Variants in SUGCT observed in about 807,000 individuals in gnomAD.
SUGCT encodes the protein succinyl-CoA:glutarate-CoA transferase.
Under a neutral mutation model 55.0 loss-of-function variants are expected in SUGCT, and 41 were observed. The observed-to-expected ratio is 0.74, with a 90% CI of 0.58 to 0.97. The LOEUF (loss-of-function observed/expected upper bound fraction) is 0.97, where lower values mean the gene tolerates loss of function less well. Ranked by LOEUF, SUGCT falls within the 50% of genes least tolerant of loss-of-function variation. The pLI is 0.00. For missense variants in SUGCT, 568 were observed against 547.8 expected (o/e 1.04, Z -0.37); for synonymous variants, 187 against 200.4 (o/e 0.93, Z 0.56).
the SUGCT span, among the ~76,000 whole-genome samples, chr7:40,987,036 G>A: frequency 1.3e-5 from 2 of 152,234 alleles, no homozygotes; most frequent in Middle Eastern, 3.4e-3. Flanking sequence ...ATACAAAAAT[G>A]ATAAGGCAAG....
chr7:40,552,778 C>T (rs1026008052), intron 12 of SUGCT, among the ~76,000 whole-genome samples: 2 of 149,260 alleles, frequency 1.3e-5, no homozygotes, highest in African/African-American at 2.5e-5. Flanking sequence ...ACCCCCACCA[C>T]CCAGCTTTGT....
At chr7:40,137,521 A>C (rs1787760004) in intron 1 of SUGCT, among the ~76,000 whole-genome samples, 1 of 152,218 alleles carries the variant, frequency 6.6e-6, no homozygotes, top group South Asian at 2.1e-4. Context: ...TTATCTGTAT[A>C]ACTTCAATCT....
Position 40,378,215 on chromosome 7 carries a change from CTT to C in SUGCT, c.816+61361_816+61362del, listed in dbSNP as rs549745067. On this transcript the variant is annotated intron_variant, in intron 9 of 13. Transcript: ENST00000335693. ...TGTCCTCCTCTTCTCCTCCTTCTCT[CTT>C]CTCCTCTTTTTTTTGGGACTCCTGT... Among the ~76,000 whole-genome samples, 174 of 148,008 alleles carry C rather than the reference CTT, an allele frequency of 1.2e-3. 1 individual carries two copies. The highest frequency in any genetic ancestry group is 4.1e-3 in the African/African-American group (167 of 40,894).
intron 1 of SUGCT, among the ~76,000 whole-genome samples, chr7:40,163,606 G>GA (rs11298191): frequency 0.02 from 2,485 of 126,452 alleles, 69 homozygotes; most frequent in African/African-American, 0.073. Context: ...CTCTGTCTCA[G>GA]AAAAAAAAAA....
At chr7:40,942,167 A>T in the SUGCT span, among the ~76,000 whole-genome samples, 1 of 152,104 alleles carries the variant, frequency 6.6e-6, no homozygotes, top group South Asian at 2.1e-4. Flanking sequence ...TGTGAGTTTT[A>T]TGCTTTCAAG....
At chr7:40,358,679 A>G (rs1797994641) in intron 9 of SUGCT, among the ~76,000 whole-genome samples, 1 of 151,966 alleles carries the variant, frequency 6.6e-6, no homozygotes, top group African/African-American at 2.4e-5. Context: ...GTGCCACTGC[A>G]CTCCAGCCTG....
chr7:40,632,351 A>T (rs1799827076), intron 12 of SUGCT, among the ~76,000 whole-genome samples: 2 of 151,914 alleles, frequency 1.3e-5, no homozygotes, highest in Non-Finnish European at 2.9e-5. Context: ...GTAAATGCCA[A>T]ACCTGCTTCT....
intron 13 of SUGCT, among the ~76,000 whole-genome samples, chr7:40,814,287 T>A (rs909330538): frequency 6.6e-6 from 1 of 151,980 alleles, no homozygotes; most frequent in African/African-American, 2.4e-5. Flanking sequence ...TTTCCTCAAA[T>A]TTTTTTTTCC....
chr7:40,280,597 TA>T (rs1439924331), intron 8 of SUGCT, among the ~76,000 whole-genome samples: 1 of 152,230 alleles, frequency 6.6e-6, no homozygotes, highest in East Asian at 1.9e-4. Flanking sequence ...ACATTGATCA[TA>T]TTACATGAAC....
intron 11 of SUGCT, among the ~76,000 whole-genome samples, chr7:40,471,998 A>C (rs1790425609): frequency 6.6e-6 from 1 of 152,130 alleles, no homozygotes; most frequent in Non-Finnish European, 1.5e-5. Context: ...AAATGGCTGA[A>C]ACATGTTTTT....
intron 12 of SUGCT, among the ~76,000 whole-genome samples, chr7:40,600,539 A>G (rs1173462471): frequency 6.6e-6 from 1 of 152,186 alleles, no homozygotes; most frequent in East Asian, 1.9e-4. Context: ...TATAATTGTA[A>G]CAAGTTCTGT....
intron 8 of SUGCT, among the ~76,000 whole-genome samples, chr7:40,275,971 T>C (rs1226407972): frequency 6.6e-6 from 1 of 152,232 alleles, no homozygotes; most frequent in African/African-American, 2.4e-5. Flanking sequence ...TGGGAAAAAC[T>C]ACTTTCTAGA....
chr7:40,872,271 G>C, the SUGCT span, among the ~76,000 whole-genome samples: 34 of 152,232 alleles, frequency 2.2e-4, no homozygotes, highest in East Asian at 3.9e-3. Context: ...CAGGATACAG[G>C]TGGGCTCATT....
intron 1 of SUGCT, among the ~76,000 whole-genome samples, chr7:40,149,662 A>G (rs1169350207): frequency 2.6e-5 from 4 of 152,184 alleles, no homozygotes; most frequent in Admixed American, 6.5e-5. Context: ...TCACGCCTGT[A>G]ATCTCAGCAC....
intron 7 of SUGCT, among the ~76,000 whole-genome samples, chr7:40,265,594 G>A (rs529566925): frequency 6.6e-6 from 1 of 152,056 alleles, no homozygotes; most frequent in East Asian, 1.9e-4. Context: ...AATTGTGTAT[G>A]TAAGTAATCT....
At chr7:40,637,619 G>C (rs1039818116) in intron 12 of SUGCT, among the ~76,000 whole-genome samples, 1 of 152,188 alleles carries the variant, frequency 6.6e-6, no homozygotes, top group Non-Finnish European at 1.5e-5. Context: ...CCACTTCAGC[G>C]TGATGGTCCT....
chr7:40,334,458 A>G (rs961794107), intron 9 of SUGCT, among the ~76,000 whole-genome samples: 1 of 152,082 alleles, frequency 6.6e-6, no homozygotes, highest in Non-Finnish European at 1.5e-5. Flanking sequence ...CTGGTGGGAG[A>G]TGGTATCTCA....
At chr7:40,284,929 A>G (rs1020206629) in intron 8 of SUGCT, among the ~76,000 whole-genome samples, 7 of 152,204 alleles carry the variant, frequency 4.6e-5, no homozygotes, top group Non-Finnish European at 1.0e-4. Context: ...TGAGCGAAAT[A>G]TAAGTGAATT....
At chr7:40,375,611 A>G (rs1381461613) in intron 9 of SUGCT, among the ~76,000 whole-genome samples, 1 of 152,136 alleles carries the variant, frequency 6.6e-6, no homozygotes. Flanking sequence ...ACTATCCCTC[A>G]TTTGAGAGAT....
Sources: gnomAD v4.1 joint callset for allele counts (sites outside exome capture counted in the v4.1 genomes callset) on GRCh38, gnomAD v4.1.1 for gene constraint, MANE v1.5 for transcripts, NCBI Gene and HGNC (gene_info 2026-07-23, HGNC 2026-07-21) for gene names.